The following ENAH variants were observed in gnomAD, a reference collection of about 807,000 sequenced individuals.
The protein encoded by ENAH is ENAH actin regulator.
In ENAH, 23 loss-of-function variants were observed where a neutral mutation model predicts 78.7. The ratio of observed to expected loss-of-function variants is 0.29; its 90% confidence interval spans 0.21 to 0.41. The LOEUF (loss-of-function observed/expected upper bound fraction) is 0.41. ENAH is among the 10% of genes least tolerant of loss of function. The pLI, the probability that ENAH is intolerant of heterozygous loss-of-function variation, is 1.00. For missense variants in ENAH, 544 were observed against 691.0 expected (o/e 0.79, Z 2.39); for synonymous variants, 226 against 241.0 (o/e 0.94, Z 0.58).
At chr1:225,544,425 A>C (rs1298218388) in intron 3 of ENAH, among the ~76,000 whole-genome samples, 1 of 152,226 alleles carries the variant, frequency 6.6e-6, no homozygotes, top group East Asian at 1.9e-4. Context: ...GACATGCATC[A>C]GACAATAGAT....
intron 4 of ENAH, among the ~76,000 whole-genome samples, chr1:225,521,238 T>C (rs2096465753): frequency 6.6e-6 from 1 of 152,200 alleles, no homozygotes; most frequent in South Asian, 2.1e-4. Flanking sequence ...TTTGAATCTT[T>C]TTCTGTTTCT....
chr1:225,576,877 G>A (rs1222359034), intron 1 of ENAH, among the ~76,000 whole-genome samples: 7 of 152,188 alleles, frequency 4.6e-5, no homozygotes, highest in Non-Finnish European at 5.9e-5. Context: ...GCTCACACCT[G>A]TAATCCCAGC....
chr1:225,514,968 G>T, intron 6 of ENAH, 68 bp from the exon 7 acceptor site: 6 of 1,308,210 alleles, frequency 4.6e-6, no homozygotes, highest in Non-Finnish European at 6.5e-6. Context: ...TATGTGGGAA[G>T]GTACGCAGAA....
chr1:225,521,841 G>A (rs532749386), intron 4 of ENAH, among the ~76,000 whole-genome samples: 18 of 151,828 alleles, frequency 1.2e-4, no homozygotes, highest in Non-Finnish European at 2.2e-4. Context: ...TGTCGCCCAG[G>A]CTGGAGTACA....
At position 225,514,916 on chromosome 1, in the gene ENAH, G is replaced by GTTAA. The variant is rs752508154; in HGVS notation, c.914-20_914-17dup. 2 of 1,601,282 alleles carry GTTAA rather than the reference G, an allele frequency of 1.2e-6. No homozygotes were observed. Among genetic ancestry groups the GTTAA allele is most frequent in the Non-Finnish European group, 1.7e-6 (2 of 1,171,840 alleles). Reference sequence around the variant, plus strand: ...AAGACAATGCCTGAGAGAGAGAAATGTTAAGTAAGACCATCAACAATAGAG... The same window carrying GTTAA: ...AAGACAATGCCTGAGAGAGAGAAATGTTAATTAAGTAAGACCATCAACAATAGAG... On this transcript the variant is annotated splice_polypyrimidine_tract_variant and intron_variant, in intron 6 of 13. Transcript: ENST00000366843.
At chr1:225,641,916 G>T (rs1313453474) in intron 1 of ENAH, among the ~76,000 whole-genome samples, 1 of 152,108 alleles carries the variant, frequency 6.6e-6, no homozygotes, top group African/African-American at 2.4e-5. Flanking sequence ...AGCTACTTGG[G>T]AGGCTGAGGC....
chr1:225,652,481 G>A (rs929574634), intron 1 of ENAH: 14 of 932,016 alleles, frequency 1.5e-5, no homozygotes, highest in African/African-American at 5.3e-5. Flanking sequence ...ACGATGAAGC[G>A]AGACCCCCAA....
intron 3 of ENAH, among the ~76,000 whole-genome samples, chr1:225,549,670 T>C (rs1402998081): frequency 1.3e-5 from 2 of 152,206 alleles, no homozygotes; most frequent in African/African-American, 4.8e-5. Context: ...ATACGCCAGA[T>C]TAAGACCAAG....
rs1558687810 is a variant in ENAH at position 225,492,853 on chromosome 1, C to CTTT, written c.*4921_*4922insAAA. ...CAACATCCTAAGTCATTATGACAGT[C>CTTT]ATTTATCCTTTTACAATGTTTCTGT... On this transcript the variant is annotated 3_prime_UTR_variant, in exon 14 of 14. Transcript: ENST00000366843. 6.6e-6 allele frequency: 1 copy of CTTT among 152,170 alleles called. No individual in the cohort carries two copies. Among genetic ancestry groups the CTTT allele is most frequent in the African/African-American group, 2.4e-5 (1 of 41,422 alleles). 9.4% of individuals were successfully genotyped at this position (152,170 alleles called of 1,614,324 possible).
chr1:225,647,183 G>C (rs1424414807), intron 1 of ENAH, among the ~76,000 whole-genome samples: 1 of 152,138 alleles, frequency 6.6e-6, no homozygotes, highest in African/African-American at 2.4e-5. Context: ...TGGAGATCAT[G>C]CCACTGCACT....
intron 1 of ENAH, among the ~76,000 whole-genome samples, chr1:225,642,652 A>G (rs994755566): frequency 7.2e-5 from 11 of 152,312 alleles, no homozygotes; most frequent in African/African-American, 2.6e-4. Context: ...CCCGGGTAAC[A>G]GCTTTACTAG....
chr1:225,511,081 A>G (rs2096373565), intron 10 of ENAH, among the ~76,000 whole-genome samples: 1 of 152,214 alleles, frequency 6.6e-6, no homozygotes, highest in African/African-American at 2.4e-5. Context: ...TTGTCTTTAA[A>G]TCAAAACTGT....
intron 3 of ENAH, among the ~76,000 whole-genome samples, chr1:225,540,731 G>A (rs368548364): frequency 1.1e-4 from 17 of 151,082 alleles, no homozygotes; most frequent in South Asian, 6.3e-4. Flanking sequence ...TCTGAGGAAG[G>A]CTTCTTGCTT....
intron 1 of ENAH, among the ~76,000 whole-genome samples, chr1:225,599,463 C>T (rs2096919029): frequency 6.6e-6 from 1 of 152,034 alleles, no homozygotes; most frequent in African/African-American, 2.4e-5. Context: ...GAGTAAAGTG[C>T]TGTGACTTAA....
At chr1:225,551,809 T>C (rs1398293036) in intron 3 of ENAH, among the ~76,000 whole-genome samples, 2 of 152,188 alleles carry the variant, frequency 1.3e-5, no homozygotes, top group Admixed American at 1.3e-4. Context: ...AAGACTAATA[T>C]TTGTAGTTGC....
At chr1:225,543,042 A>T (rs2096597157) in intron 3 of ENAH, among the ~76,000 whole-genome samples, 1 of 151,772 alleles carries the variant, frequency 6.6e-6, no homozygotes, top group African/African-American at 2.4e-5. Context: ...AAAGTTCTGT[A>T]CTTTATTCTA....
Position 225,651,057 on chromosome 1 carries a change from G to A in ENAH, c.5+1629C>T, listed in dbSNP as rs979656291. Among the ~76,000 whole-genome samples, 24 of 151,706 alleles carry A rather than the reference G, an allele frequency of 1.6e-4. 1 individual carries two copies. Among genetic ancestry groups the A allele is most frequent in the African/African-American group, 5.8e-4 (24 of 41,346 alleles). ...ATAGTTCCTGAGTTTAAGGACATCA[G>A]TAACTTGATTTAAAAAAAAAGAAGT... is the stretch of plus-strand genomic sequence containing the variant. On this transcript the variant is annotated intron_variant, in intron 1 of 13. Transcript: ENST00000366843.
rs1317007986 is a variant in ENAH, at chr1:225,491,484, AAAAAT to A, written c.*6286_*6290del. 4 of 150,834 alleles carry A rather than the reference AAAAAT, an allele frequency of 2.7e-5. No individual in the cohort carries two copies. The highest frequency in any genetic ancestry group is 1.9e-4 in the East Asian group (1 of 5,162). 9.3% of individuals were successfully genotyped at this position (150,834 alleles called of 1,614,324 possible). ...TAAAATGCCTTTAATCTTTAAAAAA[AAAAAT>A]AAAAGAAAAAGAAAAAAAGAAAAGA... On this transcript the variant is annotated 3_prime_UTR_variant, in exon 14 of 14. Coordinates refer to ENST00000366843, the MANE Select transcript of ENAH (RefSeq NM_018212.6).
chr1:225,652,634 C>A, intron 1 of ENAH, 52 bp downstream of exon 1: 1 of 1,262,038 alleles, frequency 7.9e-7, no homozygotes, highest in South Asian at 2.8e-5. Context: ...ACGGGGGTCG[C>A]GGCTCCCGCG....
Sources: allele counts gnomAD v4.1 joint callset (sites outside exome capture counted in the v4.1 genomes callset), GRCh38; gene constraint gnomAD v4.1.1; transcripts MANE v1.5; gene names NCBI Gene and HGNC (gene_info 2026-07-23, HGNC 2026-07-21).